Variants in NRG1 observed in about 807,000 individuals in gnomAD.
The protein encoded by NRG1 is neuregulin 1.
NRG1 carries 18 observed loss-of-function variants against 63.8 expected under a neutral mutation model. The ratio of observed to expected loss-of-function variants is 0.28; its 90% CI spans 0.19 to 0.42. The LOEUF (loss-of-function observed/expected upper bound fraction) is 0.42, where lower values mean the gene tolerates loss of function less well. Ranked by LOEUF, NRG1 falls within the 10% of genes least tolerant of loss-of-function variation. The pLI, the probability that NRG1 is intolerant of heterozygous loss-of-function variation, is 1.00. For missense variants in NRG1, 762 were observed against 814.7 expected, an observed-to-expected ratio of 0.94 and a Z score of 0.79; for synonymous variants, 302 against 301.3, an observed-to-expected ratio of 1.00 and a Z score of -0.02.
intron 1 of NRG1, among the ~76,000 whole-genome samples, chr8:31,940,686 A>C (rs934114756): frequency 2.0e-5 from 3 of 152,156 alleles, no homozygotes; most frequent in Non-Finnish European, 2.9e-5. Context: ...AGAACATCCA[A>C]ATAATCGTAA....
chr8:31,836,190 C>T (rs1286246541), intron 1 of NRG1, among the ~76,000 whole-genome samples: 1 of 152,118 alleles, frequency 6.6e-6, no homozygotes, highest in Non-Finnish European at 1.5e-5. Context: ...TTCCACTAAA[C>T]TTAAAATTGT....
chr8:31,899,683 T>G (rs1831909544), intron 1 of NRG1, among the ~76,000 whole-genome samples: 1 of 152,104 alleles, frequency 6.6e-6, no homozygotes, highest in Admixed American at 6.6e-5. Flanking sequence ...TTCAAGCTTT[T>G]TAAAAAAATT....
At chr8:32,360,957 T>C (rs916739278) in intron 1 of NRG1, among the ~76,000 whole-genome samples, 2 of 152,160 alleles carry the variant, frequency 1.3e-5, no homozygotes, top group African/African-American at 2.4e-5. Context: ...GAACCAAAAA[T>C]ACCACACTTC....
chr8:32,546,361 T>A (rs943793471), upstream of NRG1, among the ~76,000 whole-genome samples: 4 of 152,132 alleles, frequency 2.6e-5, no homozygotes, highest in Admixed American at 2.6e-4. Flanking sequence ...CCAGAATACA[T>A]CTTTGCTTTC....
chr8:32,362,351 A>G (rs79518761), intron 1 of NRG1, among the ~76,000 whole-genome samples: 12,490 of 152,292 alleles, frequency 0.082, 552 homozygotes, highest in African/African-American at 0.11. Context: ...ATTTAACTGC[A>G]GAGATATACT....
At chr8:31,900,998 C>T (rs1254107037) in intron 1 of NRG1, among the ~76,000 whole-genome samples, 1 of 151,906 alleles carries the variant, frequency 6.6e-6, no homozygotes, top group Non-Finnish European at 1.5e-5. Flanking sequence ...TACAATTTCT[C>T]TTTTTTTTCC....
At chr8:31,938,976 T>A (rs181719585) in intron 1 of NRG1, among the ~76,000 whole-genome samples, 53 of 152,244 alleles carry the variant, frequency 3.5e-4, no homozygotes, top group Non-Finnish European at 6.2e-4. Context: ...ATCTAAAAGT[T>A]TGGAAAGCAT....
chr8:32,124,785 T>C (rs762473546), intron 1 of NRG1, among the ~76,000 whole-genome samples: 3 of 151,894 alleles, frequency 2.0e-5, no homozygotes, highest in African/African-American at 4.8e-5. Flanking sequence ...CAAAAGTAAC[T>C]AGTATTTCTT....
At chr8:31,962,657 G>A (rs1453375455) in intron 1 of NRG1, among the ~76,000 whole-genome samples, 1 of 152,108 alleles carries the variant, frequency 6.6e-6, no homozygotes, top group Non-Finnish European at 1.5e-5. Flanking sequence ...TAGGGAACCA[G>A]TTCGGATTAA....
chr8:31,891,048 C>T (rs944046412), intron 1 of NRG1, among the ~76,000 whole-genome samples: 8 of 152,256 alleles, frequency 5.3e-5, no homozygotes, highest in Middle Eastern at 3.4e-3. Flanking sequence ...CCTATAAAAC[C>T]TTTTAGAAAA....
intron 1 of NRG1, among the ~76,000 whole-genome samples, chr8:31,685,464 T>A (rs1027063915): frequency 1.9e-4 from 29 of 152,332 alleles, no homozygotes; most frequent in African/African-American, 6.7e-4. Flanking sequence ...AGCTAAAACA[T>A]AGCTGGCCTT....
At chr8:31,779,098 G>T (rs1246941028) in intron 1 of NRG1, among the ~76,000 whole-genome samples, 1 of 152,144 alleles carries the variant, frequency 6.6e-6, no homozygotes, top group Admixed American at 6.5e-5. Flanking sequence ...GTGGACTCCA[G>T]TGTTGACTTT....
chr8:32,373,313 A>G (rs1274178178), intron 1 of NRG1, among the ~76,000 whole-genome samples: 2 of 152,208 alleles, frequency 1.3e-5, no homozygotes, highest in African/African-American at 4.8e-5. Flanking sequence ...TTGACAGTGT[A>G]AATTTGTTCA....
chr8:31,880,512 C>A (rs922175439), intron 1 of NRG1, among the ~76,000 whole-genome samples: 33 of 152,294 alleles, frequency 2.2e-4, no homozygotes, highest in African/African-American at 7.7e-4. Flanking sequence ...ACAAGATTTT[C>A]TGTGAAGATT....
chr8:32,123,820 C>G (rs924007595), intron 1 of NRG1, among the ~76,000 whole-genome samples: 1 of 151,706 alleles, frequency 6.6e-6, no homozygotes, highest in Non-Finnish European at 1.5e-5. Context: ...TTCATTCCCA[C>G]TAATTCTGGA....
chr8:32,722,049 T>G (rs1225007602), intron 5 of NRG1: 1 of 1,544,060 alleles, frequency 6.5e-7, no homozygotes, highest in African/African-American at 1.4e-5. Context: ...ACAGGTAAGG[T>G]TAAAAAAAAT....
chr8:31,882,372 T>C (rs1221843178), intron 1 of NRG1, among the ~76,000 whole-genome samples: 2 of 149,714 alleles, frequency 1.3e-5, no homozygotes, highest in Non-Finnish European at 3.0e-5. Context: ...TTTAAAAATA[T>C]TACTGCTCAT....
chr8:32,480,384 C>T (rs1825099287), intron 1 of NRG1, among the ~76,000 whole-genome samples: 1 of 148,738 alleles, frequency 6.7e-6, no homozygotes, highest in African/African-American at 2.5e-5. Context: ...ATCTATTGCA[C>T]AGCATGGTGA....
At chr8:32,429,289 C>T (rs1050527965) in intron 1 of NRG1, among the ~76,000 whole-genome samples, 8 of 152,168 alleles carry the variant, frequency 5.3e-5, no homozygotes, top group African/African-American at 1.9e-4. Flanking sequence ...TGCCCTCAGG[C>T]TTAGTGAAAT....
Sources: gnomAD v4.1 joint callset for allele counts (sites outside exome capture counted in the v4.1 genomes callset) on GRCh38, gnomAD v4.1.1 for gene constraint, MANE v1.5 for transcripts, NCBI Gene and HGNC (gene_info 2026-07-23, HGNC 2026-07-21) for gene names.